HNRNPH3: variants seen among roughly 807,000 people sequenced by gnomAD.
The protein encoded by HNRNPH3 is heterogeneous nuclear ribonucleoprotein H3.
In HNRNPH3, 7 loss-of-function variants were observed where a neutral mutation model predicts 47.0. The ratio of observed to expected loss-of-function variants is 0.15; its 90% confidence interval spans 0.08 to 0.28. The LOEUF (loss-of-function observed/expected upper bound fraction) is 0.28. Among genes scored for constraint, HNRNPH3 ranks in the 10% least tolerant of loss-of-function variants. The probability of loss-of-function intolerance (pLI) is 1.00; values close to 1 mark genes in which losing one functional copy is unlikely to be tolerated. For synonymous variants in HNRNPH3, 120 were observed against 143.2 expected (o/e 0.84, Z 1.16); for missense variants, 279 against 449.6 (o/e 0.62, Z 3.43).
At chr10:68,341,884 G>T (rs755316899) in intron 9 of HNRNPH3, 33 bp downstream of exon 9, 1 of 1,589,886 alleles carries the variant, frequency 6.3e-7, no homozygotes, top group East Asian at 2.2e-5. Flanking sequence ...GTGTTAGTCC[G>T]CATATGTAGT....
Position 68,341,814 on chromosome 10 carries a change from T to C in HNRNPH3, c.927T>C (p.Ser309=). The C allele has an allele frequency of 6.2e-7, 1 of 1,611,194 alleles. No individual in the cohort carries two copies. The highest frequency in any genetic ancestry group is 8.5e-7 in the Non-Finnish European group (1 of 1,178,590). The change falls in exon 9 of 10, where the codon AGT becomes AGC. Residue 309 remains serine, a synonymous_variant. Coordinates refer to ENST00000265866, the MANE Select transcript of HNRNPH3 (RefSeq NM_012207.3). The stretch of plus-strand genomic sequence containing the variant: ...GAATGGGAATGGGGAACAATTACAG[T>C]GGAGGATATGGTACTCCTGATGGTT... ...VGRMGMGNNY[S]GGYGTPDGLG...
intron 5 of HNRNPH3, 69 bp from the exon 6 acceptor site, chr10:68,339,371 T>G (rs2045718283): frequency 6.6e-7 from 1 of 1,505,460 alleles, no homozygotes; most frequent in Admixed American, 1.7e-5. Context: ...ATACCTTGTA[T>G]AGTATGTATG....
chr10:68,337,466 T>G lies in HNRNPH3; in HGVS notation c.112+133T>G. ...ACTATGATAGTCTTGGTTAATGTATTAAAATAATATGCTCCAGTTAATATT... is the reference window on the plus strand; with the variant it reads ...ACTATGATAGTCTTGGTTAATGTATGAAAATAATATGCTCCAGTTAATATT... On this transcript the variant is annotated intron_variant, in intron 2 of 9. Transcript: ENST00000265866. This position sits in a 1 kb window ranked among gnomAD's most constrained non-coding sequence, Gnocchi z 4.5. 1 of 610,094 alleles carries G rather than the reference T, an allele frequency of 1.6e-6. No individual in the cohort carries two copies. Among genetic ancestry groups the G allele is most frequent in the Non-Finnish European group, 2.9e-6 (1 of 343,854 alleles). The allele number at this position is 610,094 out of a possible 1,614,324, so 37.8% of individuals were successfully genotyped here.
upstream of HNRNPH3, chr10:68,331,880 A>G (rs2045115513): frequency 6.6e-6 from 1 of 152,290 alleles, no homozygotes; most frequent in Non-Finnish European, 1.5e-5. Flanking sequence ...CTTTAACTGG[A>G]ACAGCCTCTG....
chr10:68,335,224 C>A (rs983235373), intron 1 of HNRNPH3, among the ~76,000 whole-genome samples: 20 of 144,560 alleles, frequency 1.4e-4, no homozygotes, highest in African/African-American at 5.1e-4. Flanking sequence ...ATTAATTTTT[C>A]TTTTTCTTTT....
Position 68,338,630 on chromosome 10 carries a change from G to T in HNRNPH3, c.379G>T (p.Ala127Ser). ...PIGGRGGYYG[A>S]GRGSMYDRMR... is the part of the protein sequence containing the mutation. ...AGGAGGAAGAGGGGGTTATTATGGA[G>T]CTGGGCGTGGAAGTATGTATGACAG... The change falls in exon 4 of 10, where the codon GCT (alanine) becomes TCT (serine). Residue 127 changes from alanine to serine, a missense_variant. By Grantham distance (99) the Ala-to-Ser change is moderately conservative (BLOSUM62 1). Around this residue, in one of 2 missense-constraint regions of HNRNPH3, gnomAD observed 239 missense variants for 335.8 expected, o/e 0.71. Coordinates refer to ENST00000265866, the MANE Select transcript of HNRNPH3 (RefSeq NM_012207.3). 2 of 1,612,640 alleles carry T rather than the reference G, an allele frequency of 1.2e-6. No homozygotes were observed. Among genetic ancestry groups the T allele is most frequent in the Non-Finnish European group, 1.7e-6 (2 of 1,179,306 alleles).
At chr10:68,335,239 T>TC (rs909644324) in intron 1 of HNRNPH3, among the ~76,000 whole-genome samples, 5 of 150,676 alleles carry the variant, frequency 3.3e-5, no homozygotes, top group African/African-American at 4.8e-5. Context: ...TCTTTTCTTT[T>TC]TTTTTTTTTT....
Position 68,337,157 on chromosome 10 carries a change from T to C in HNRNPH3, c.-23-42T>C, listed in dbSNP as rs556881593. ...TCTTCATTACCTCTTGACAAGAGTA[T>C]ATTTTGATTGACTGCTCTATGTGCT... On this transcript the variant is annotated intron_variant, in intron 1 of 9. Coordinates refer to ENST00000265866, the MANE Select transcript of HNRNPH3 (RefSeq NM_012207.3). This position sits in a 1 kb window ranked among gnomAD's most constrained non-coding sequence, Gnocchi z 4.5. 4.9e-5 allele frequency: 46 copies of C among 933,262 alleles called. No homozygotes were observed. Among genetic ancestry groups the C allele is most frequent in the Non-Finnish European group, 7.1e-5 (41 of 579,370 alleles). 57.8% of individuals were successfully genotyped at this position (933,262 alleles called of 1,614,324 possible).
chr10:68,340,177 G>T (rs1204962396), intron 6 of HNRNPH3, among the ~76,000 whole-genome samples: 1 of 152,058 alleles, frequency 6.6e-6, no homozygotes, highest in Non-Finnish European at 1.5e-5. Flanking sequence ...TGGGATTACA[G>T]GGGCACACCC....
rs1169008833 is a variant in HNRNPH3, at chr10:68,338,619, G to T, written c.368G>T (p.Gly123Val). Residue 123 changes from glycine (G) to valine (V), a missense_variant, in exon 4 of 10, where the codon GGT becomes GTT. Gly to Val is a moderately radical substitution (Grantham distance 109). Around this residue, in one of 2 missense-constraint regions of HNRNPH3, gnomAD observed 239 missense variants for 335.8 expected, o/e 0.71. Coordinates refer to ENST00000265866, the MANE Select transcript of HNRNPH3 (RefSeq NM_012207.3). ...GATAGACCAATAGGAGGAAGAGGGG[G>T]TTATTATGGAGCTGGGCGTGGAAGT... ...PYDRPIGGRGGYYGAGRGSMY... is the reference protein window; with the variant it reads ...PYDRPIGGRGVYYGAGRGSMY... 33 of 1,613,040 alleles carry T rather than the reference G, an allele frequency of 2.0e-5. No homozygotes were observed. The highest frequency in any genetic ancestry group is 2.4e-5 in the Non-Finnish European group (28 of 1,179,446).
Position 68,342,094 on chromosome 10 carries a change from T to C in HNRNPH3, c.*40T>C. ...ACATACAAGTCTTGACAACAGCATC[T>C]GGTCTACTAGACTTTCTTACAGATT... On this transcript the variant is annotated 3_prime_UTR_variant, in exon 10 of 10. Transcript: ENST00000265866. 2.1e-6 allele frequency: 3 copies of C among 1,426,104 alleles called. No homozygotes were observed. The highest frequency in any genetic ancestry group is 1.2e-5 in the South Asian group (1 of 84,502). 88.3% of individuals were successfully genotyped at this position (1,426,104 alleles called of 1,614,324 possible). A position where few individuals can be genotyped will look rare whatever the true frequency, so the allele number is the denominator to read the frequency against.
intron 1 of HNRNPH3, among the ~76,000 whole-genome samples, chr10:68,336,534 A>G (rs146493946): frequency 2.6e-5 from 4 of 152,312 alleles, no homozygotes; most frequent in Non-Finnish European, 4.4e-5. Flanking sequence ...GTTGGAAGGC[A>G]TTCACTTTTG....
In HNRNPH3 at chr10:68,342,171, C is replaced by T. The variant is rs1372781216; in HGVS notation, c.*117C>T. 6.0e-6 allele frequency: 4 copies of T among 662,268 alleles called. No homozygotes were observed. The highest frequency in any genetic ancestry group is 7.3e-6 in the Non-Finnish European group (3 of 412,652). 41.0% of individuals were successfully genotyped at this position (662,268 alleles called of 1,614,324 possible). On this transcript the variant is annotated 3_prime_UTR_variant, in exon 10 of 10. Transcript: ENST00000265866. ...TATAATGACTGAAGGAATGTGTTTT[C>T]AAAATATTATTTGGTAAAGCAACAG...
intron 3 of HNRNPH3, 69 bp downstream of exon 3, chr10:68,338,065 A>C: frequency 2.0e-5 from 23 of 1,166,270 alleles, no homozygotes; most frequent in East Asian, 7.7e-5. Context: ...TATTGCTTAA[A>C]TGGGGGGGTA....
intron 5 of HNRNPH3, 22 bp from the exon 6 acceptor site, chr10:68,339,418 C>T (rs1202167183): frequency 1.9e-6 from 3 of 1,594,130 alleles, no homozygotes; most frequent in South Asian, 1.1e-5. Context: ...AGTTTATAAT[C>T]TTGGCAAATT....
At chr10:68,340,439 C>T (rs1162758) in intron 6 of HNRNPH3, among the ~76,000 whole-genome samples, 3,854 of 152,316 alleles carry the variant, frequency 0.025, 61 homozygotes, top group Middle Eastern at 0.072. Context: ...ATAGATGCTG[C>T]TGTTGTCACT....
intron 1 of HNRNPH3, among the ~76,000 whole-genome samples, chr10:68,335,530 G>C (rs1226613120): frequency 6.6e-6 from 1 of 151,690 alleles, no homozygotes; most frequent in Non-Finnish European, 1.5e-5. Flanking sequence ...CTACTCTTTA[G>C]AATAGTATTA....
rs2046037981 is a variant in HNRNPH3 at position 68,342,738 on chromosome 10, A to C, written c.*684A>C. 1 of 152,604 alleles carries C rather than the reference A, an allele frequency of 6.6e-6. No individual in the cohort carries two copies. The highest frequency in any genetic ancestry group is 2.4e-5 in the African/African-American group (1 of 41,426). 9.5% of individuals were successfully genotyped at this position (152,604 alleles called of 1,614,324 possible). A position where few individuals can be genotyped will look rare whatever the true frequency, so the allele number is the denominator to read the frequency against. The stretch of plus-strand genomic sequence containing the variant: ...TCAGCACTTGACCGAAATACCAAAA[A>C]TGTCTCCAAAAAATTGATAGTTGCA... On this transcript the variant is annotated 3_prime_UTR_variant, in exon 10 of 10. Coordinates refer to ENST00000265866, the MANE Select transcript of HNRNPH3 (RefSeq NM_012207.3).
At chr10:68,341,900 C>G (rs766297203) in intron 9 of HNRNPH3, 49 bp downstream of exon 9, 3 of 1,591,610 alleles carry the variant, frequency 1.9e-6, no homozygotes, top group African/African-American at 2.7e-5. Context: ...GTAGTGCAAA[C>G]TTTAAAGTGC....
Sources: gnomAD v4.1 joint callset for allele counts (sites outside exome capture counted in the v4.1 genomes callset) on GRCh38, gnomAD v4.1.1 for gene constraint, gnomAD v4.1.1 regional missense constraint, Gnocchi (gnomAD v3.1) non-coding constraint, MANE v1.5 for transcripts, NCBI Gene and HGNC (gene_info 2026-07-23, HGNC 2026-07-21) for gene names.